Variants in DOCK5 observed in about 807,000 individuals in gnomAD.
DOCK5 encodes dedicator of cytokinesis 5.
Under a neutral mutation model 251.8 loss-of-function variants are expected in DOCK5, and 142 were observed. The ratio of observed to expected loss-of-function variants is 0.56; its 90% CI spans 0.49 to 0.65. The LOEUF is 0.65. Ranked by LOEUF, DOCK5 falls within the 30% of genes least tolerant of loss-of-function variation. The probability of loss-of-function intolerance (pLI) is 0.00; values close to 1 mark genes in which losing one functional copy is unlikely to be tolerated. For missense variants in DOCK5, 2,111 were observed against 2,312.3 expected (o/e 0.91, Z 1.79); for synonymous variants, 842 against 835.5 (o/e 1.01, Z -0.13).
chr8:25,213,173 G>C (rs1802144565), intron 1 of DOCK5, among the ~76,000 whole-genome samples: 1 of 152,006 alleles, frequency 6.6e-6, no homozygotes, highest in African/African-American at 2.4e-5. Flanking sequence ...GAAGTTTCCT[G>C]TGCGTCAGGC....
chr8:25,334,900 G>A (rs992128910), intron 21 of DOCK5, among the ~76,000 whole-genome samples: 6 of 152,144 alleles, frequency 3.9e-5, no homozygotes, highest in African/African-American at 1.4e-4. Context: ...AAAATGTATT[G>A]CTTACAGGAT....
At position 25,261,250 on chromosome 8, in the gene DOCK5, T is replaced by A. The variant is rs574979128; in HGVS notation, c.128-7595T>A. Among the ~76,000 whole-genome samples, 91 of 152,312 alleles carry A rather than the reference T, an allele frequency of 6.0e-4. 1 individual carries two copies. The South Asian group carries it at 0.015, about 25-fold the overall frequency. ...TTTTCTTTCCATTATTAAGTAAGAT[T>A]TAGGACACGGAGACATTGAATACCC... On this transcript the variant is annotated intron_variant, in intron 2 of 51. Coordinates refer to ENST00000276440, the MANE Select transcript of DOCK5 (RefSeq NM_024940.8).
At position 25,199,044 on chromosome 8, in the gene DOCK5, C is replaced by T. The variant is rs577762694; in HGVS notation, c.43+14093C>T. On this transcript the variant is annotated intron_variant, in intron 1 of 51. Coordinates refer to ENST00000276440, the MANE Select transcript of DOCK5 (RefSeq NM_024940.8). ...AGTGGAAGTGACACTGTGGGTTGCA[C>T]GGTTTGGCCACTGACTTCTCACGTG... Among the ~76,000 whole-genome samples the T allele has an allele frequency of 2.0e-4, 30 of 152,262 alleles. No homozygotes were observed. The South Asian group carries it at 4.3e-3, about 22-fold the overall frequency.
chr8:25,286,225 A>G (rs1009339032), intron 5 of DOCK5, among the ~76,000 whole-genome samples: 1 of 152,170 alleles, frequency 6.6e-6, no homozygotes, highest in Non-Finnish European at 1.5e-5. Context: ...TGGAAAAGGC[A>G]TGAGATTGAT....
intron 2 of DOCK5, among the ~76,000 whole-genome samples, chr8:25,255,745 T>A (rs1046954339): frequency 1.3e-4 from 20 of 152,240 alleles, no homozygotes; most frequent in African/African-American, 4.6e-4. Context: ...TGGGGTATGT[T>A]GATAGCAGGG....
chr8:25,300,851 G>A (rs1032785585), intron 9 of DOCK5, among the ~76,000 whole-genome samples, 194 bp downstream of exon 9: 3 of 91,922 alleles, frequency 3.3e-5, no homozygotes, highest in South Asian at 3.9e-4. Flanking sequence ...AGATACATCC[G>A]TGAAAAATCG....
rs34864060 is a variant in DOCK5 at position 25,325,387 on chromosome 8, T to C, written c.1743T>C (p.Asp581=). The C allele has an allele frequency of 3.3e-3, 5,323 of 1,613,854 alleles. 6 individuals are homozygous for C. The highest frequency in any genetic ancestry group is 4.0e-3 in the Non-Finnish European group (4,697 of 1,179,810). ...VYKGDNKKME[D]AKFYLTLPGT... The stretch of plus-strand genomic sequence containing the variant: ...AGGGTGACAACAAAAAAATGGAAGA[T>C]GCTAAATTCTACCTGACCCTGCCTG... Residue 581 remains aspartate, a synonymous_variant, in exon 18 of 52, where the codon GAT becomes GAC. Coordinates refer to ENST00000276440, the MANE Select transcript of DOCK5 (RefSeq NM_024940.8).
intron 40 of DOCK5, among the ~76,000 whole-genome samples, chr8:25,385,907 A>T (rs936634677): frequency 1.3e-5 from 2 of 152,194 alleles, no homozygotes; most frequent in African/African-American, 4.8e-5. Context: ...AAAAACCAGA[A>T]AAAAAGTTAA....
chr8:25,258,763 T>A (rs749917677), intron 2 of DOCK5, among the ~76,000 whole-genome samples: 1 of 152,198 alleles, frequency 6.6e-6, no homozygotes, highest in African/African-American at 2.4e-5. Context: ...TCATCAGATG[T>A]TTACTCAGTG....
Position 25,382,690 on chromosome 8 carries a change from T to A in DOCK5, c.4043T>A (p.Phe1348Tyr). Reference protein sequence around the residue: ...LGNLLKKRASFYENIIKAMRP... With the variant: ...LGNLLKKRASYYENIIKAMRP... Reference sequence around the variant, plus strand: ...GTTTTCCAGAAAAAAAGGGCCTCATTTTATGAGAACATCATTAAGGCAATG... The same window carrying A: ...GTTTTCCAGAAAAAAAGGGCCTCATATTATGAGAACATCATTAAGGCAATG... The change falls in exon 40 of 52, where the codon TTT (phenylalanine) becomes TAT (tyrosine). Residue 1348 changes from phenylalanine (F) to tyrosine (Y), a missense_variant. Phe to Tyr is a conservative substitution (Grantham distance 22). Around this residue, in one of 3 missense-constraint regions of DOCK5, gnomAD observed 1,717 missense variants for 1,892.4 expected, o/e 0.91. Transcript: ENST00000276440. The A allele has an allele frequency of 6.2e-7, 1 of 1,612,114 alleles. No individual in the cohort carries two copies. Among genetic ancestry groups the A allele is most frequent in the Middle Eastern group, 1.7e-4 (1 of 6,058 alleles).
At chr8:25,292,334 A>T (rs1361214830) in intron 6 of DOCK5, among the ~76,000 whole-genome samples, 162 bp downstream of exon 6, 2 of 152,152 alleles carry the variant, frequency 1.3e-5, no homozygotes, top group Non-Finnish European at 2.9e-5. Flanking sequence ...GTTGAAAAAA[A>T]TGTCACAGTT....
At chr8:25,390,328 T>A in intron 42 of DOCK5, 41 bp downstream of exon 42, 1 of 1,438,968 alleles carries the variant, frequency 6.9e-7, no homozygotes, top group Non-Finnish European at 9.5e-7. Context: ...AATCTGTGTC[T>A]AGGCACAGTG....
At chr8:25,334,538 C>G (rs1194952651) in intron 21 of DOCK5, among the ~76,000 whole-genome samples, 3 of 151,958 alleles carry the variant, frequency 2.0e-5, no homozygotes, top group African/African-American at 7.3e-5. Flanking sequence ...TAACAAGAAC[C>G]TATCTTTACA....
intron 1 of DOCK5, among the ~76,000 whole-genome samples, chr8:25,242,946 A>G (rs930295518): frequency 2.0e-5 from 3 of 152,236 alleles, no homozygotes; most frequent in African/African-American, 7.2e-5. Flanking sequence ...AGAGATCATC[A>G]GTTCCGTGTT....
Position 25,225,444 on chromosome 8 carries a change from C to T in DOCK5, c.44-18230C>T, listed in dbSNP as rs187590561. Among the ~76,000 whole-genome samples the T allele has an allele frequency of 2.7e-3, 408 of 152,276 alleles. 2 individuals carry two copies. The highest frequency in any genetic ancestry group is 3.2e-3 in the Non-Finnish European group (215 of 68,016). ...AAGGAAATTCTGCCGTGGTGGCTCA[C>T]GCCTGTAATCCCAGCACTTCGGGAG... On this transcript the variant is annotated intron_variant, in intron 1 of 51. Transcript: ENST00000276440.
At chr8:25,394,510 A>G (rs925106378) in intron 44 of DOCK5, among the ~76,000 whole-genome samples, 1 of 151,808 alleles carries the variant, frequency 6.6e-6, no homozygotes, top group Non-Finnish European at 1.5e-5. Flanking sequence ...TCATACTAAG[A>G]TTATGTATGG....
chr8:25,366,687 G>A (rs1158356113), intron 30 of DOCK5, among the ~76,000 whole-genome samples, 183 bp from the exon 31 acceptor site: 1 of 152,062 alleles, frequency 6.6e-6, no homozygotes, highest in Non-Finnish European at 1.5e-5. Context: ...TTTTTAAAAA[G>A]CTTAACATTA....
intron 3 of DOCK5, among the ~76,000 whole-genome samples, chr8:25,274,163 A>G (rs1803983278): frequency 6.6e-6 from 1 of 152,230 alleles, no homozygotes; most frequent in South Asian, 2.1e-4. Context: ...ACTGGACACA[A>G]GAACAACCCT....
At chr8:25,353,184 T>A (rs950176618) in intron 27 of DOCK5, among the ~76,000 whole-genome samples, 1 of 151,990 alleles carries the variant, frequency 6.6e-6, no homozygotes, top group Non-Finnish European at 1.5e-5. Context: ...AAAAATTTTT[T>A]AAAAAATTAG....
Sources: gnomAD v4.1 joint callset for allele counts (sites outside exome capture counted in the v4.1 genomes callset) on GRCh38, gnomAD v4.1.1 for gene constraint, gnomAD v4.1.1 regional missense constraint, MANE v1.5 for transcripts, NCBI Gene and HGNC (gene_info 2026-07-23, HGNC 2026-07-21) for gene names.